TMEM216: variants seen among roughly 807,000 people sequenced by gnomAD.
TMEM216 encodes the protein transmembrane protein 216.
Under a neutral mutation model 17.8 loss-of-function variants are expected in TMEM216, and 15 were observed. The ratio of observed to expected loss-of-function variants is 0.84; its 90% confidence interval spans 0.56 to 1.30. The LOEUF is 1.30. Among genes scored for constraint, TMEM216 ranks in the 50% most tolerant of loss-of-function variants. TMEM216 has a pLI of 0.00. For missense variants in TMEM216, 160 were observed against 175.7 expected (o/e 0.91, Z 0.51); for synonymous variants, 58 against 73.5 (o/e 0.79, Z 1.08).
chr11:61,393,737 A>T (rs1256208876), intron 2 of TMEM216, 147 bp from the exon 3 acceptor site: 1 of 623,536 alleles, frequency 1.6e-6, no homozygotes, highest in Non-Finnish European at 2.8e-6. Flanking sequence ...TTGTGAGTTT[A>T]TGTATCCTGC....
rs1355339916 is a variant in TMEM216, at chr11:61,398,741, TC to T, written c.*467del. The T allele has an allele frequency of 6.3e-6, 1 of 158,884 alleles. No homozygotes were observed. Among genetic ancestry groups the T allele is most frequent in the African/African-American group, 2.4e-5 (1 of 41,728 alleles). The allele number at this position is 158,884 out of a possible 1,614,324, so 9.8% of individuals were successfully genotyped here. On this transcript the variant is annotated 3_prime_UTR_variant, in exon 5 of 5. Transcript: ENST00000515837. ...GTGATGTGAAAGCCTCTCACCCCAATCCTCGGAGACTGAGTTCCACAACTTT... is the reference window on the plus strand; with the variant it reads ...GTGATGTGAAAGCCTCTCACCCCAATCTCGGAGACTGAGTTCCACAACTTT...
chr11:61,392,855 A>G (rs1377306637), intron 1 of TMEM216, 190 bp downstream of exon 1: 2 of 985,248 alleles, frequency 2.0e-6, no homozygotes, highest in Admixed American at 1.2e-4. Flanking sequence ...CACAGCTCAA[A>G]TAAACGCAGA....
At chr11:61,393,795 G>A in intron 2 of TMEM216, 89 bp from the exon 3 acceptor site, 1 of 960,866 alleles carries the variant, frequency 1.0e-6, no homozygotes, top group Non-Finnish European at 1.6e-6. Context: ...GGAAAGCTGA[G>A]ACTGATGTCC....
chr11:61,393,348 G>T lies in TMEM216; in HGVS notation c.136+16G>T, dbSNP rs920229849. ...CTGTATAAAGGTAAGGAAGGCTTGG[G>T]GCTTGACGACAGCATCCCTTCCCCA... is the stretch of plus-strand genomic sequence containing the variant. On this transcript the variant is annotated intron_variant, in intron 2 of 4. Coordinates refer to ENST00000515837, the MANE Select transcript of TMEM216 (RefSeq NM_001173990.3). 2.0e-6 allele frequency: 3 copies of T among 1,503,468 alleles called. No homozygotes were observed. In the African/African-American group the frequency reaches 4.1e-5, roughly 21 times the overall value. 93.1% of individuals were successfully genotyped at this position (1,503,468 alleles called of 1,614,324 possible).
At chr11:61,397,632 G>GT (rs1565090145) in intron 3 of TMEM216, 142 bp from the exon 4 acceptor site, 1 of 690,064 alleles carries the variant, frequency 1.4e-6, no homozygotes, top group South Asian at 1.9e-5. Flanking sequence ...TTTTAGTACA[G>GT]TGGGACCCCA....
intron 2 of TMEM216, 48 bp downstream of exon 2, chr11:61,393,380 C>A: frequency 1.5e-6 from 2 of 1,304,182 alleles, no homozygotes; most frequent in Non-Finnish European, 2.1e-6. Context: ...CCCACTTCAG[C>A]TCAGAGCCAA....
Position 61,398,391 on chromosome 11 carries a change from G to A in TMEM216, c.*115G>A. 4 of 1,172,798 alleles carry A rather than the reference G, an allele frequency of 3.4e-6. No homozygotes were observed. The highest frequency in any genetic ancestry group is 3.7e-6 in the Non-Finnish European group (3 of 817,418). The allele number at this position is 1,172,798 out of a possible 1,614,324, so 72.6% of individuals were successfully genotyped here. ...AAGTTGTCCTGAGAAAGGCTGTGTG[G>A]CTTTTCTTCAGCACAGACATTTGGG... On this transcript the variant is annotated 3_prime_UTR_variant, in exon 5 of 5. Transcript: ENST00000515837.
intron 3 of TMEM216, among the ~76,000 whole-genome samples, chr11:61,396,785 C>T (rs1263769602): frequency 6.6e-5 from 10 of 150,390 alleles, no homozygotes; most frequent in Admixed American, 2.0e-4. Context: ...CAAGAAACTC[C>T]GTCTCAATAA....
intron 3 of TMEM216, among the ~76,000 whole-genome samples, chr11:61,395,353 C>A (rs1258250725): frequency 6.6e-6 from 1 of 152,062 alleles, no homozygotes; most frequent in South Asian, 2.1e-4. Context: ...CTGAAATCAA[C>A]GTTAAAGCAC....
chr11:61,394,181 G>A, intron 3 of TMEM216: 1 of 545,960 alleles, frequency 1.8e-6, no homozygotes, highest in South Asian at 2.1e-5. Flanking sequence ...CTAGAGATGG[G>A]CAATAGAATG....
In TMEM216 at chr11:61,392,629, C is replaced by CG; in HGVS notation, c.-2dup. On this transcript the variant is annotated 5_prime_UTR_variant, in exon 1 of 5. Coordinates refer to ENST00000515837, the MANE Select transcript of TMEM216 (RefSeq NM_001173990.3). ...GCTGCTCCGGGAGCCGCTGTGGCAGCGTATGCTGCCACGGGGACTGAAGAT... is the reference window on the plus strand; with the variant it reads ...GCTGCTCCGGGAGCCGCTGTGGCAGCGGTATGCTGCCACGGGGACTGAAGAT... 6.5e-7 allele frequency: 1 copy of CG among 1,535,312 alleles called. No individual in the cohort carries two copies. The highest frequency in any genetic ancestry group is 1.4e-5 in the African/African-American group (1 of 73,140).
intron 1 of TMEM216, 85 bp downstream of exon 1, chr11:61,392,750 CCTCCATT>C (rs1299019260): frequency 3.5e-5 from 53 of 1,534,420 alleles, no homozygotes; most frequent in Non-Finnish European, 4.5e-5. Context: ...TGACCTAAAC[CCTCCATT>C]CTCTAGCGTT....
chr11:61,392,638 C>A lies in TMEM216; in HGVS notation c.7C>A (p.Pro3Thr), dbSNP rs1554972409. The stretch of plus-strand genomic sequence containing the variant: ...GGAGCCGCTGTGGCAGCGTATGCTG[C>A]CACGGGGACTGAAGATGGCGCCGCG... ML[P>T]RGLKMAPRGK... The change falls in exon 1 of 5, where the codon CCA becomes ACA. Residue 3 changes from proline to threonine, a missense_variant. By Grantham distance (38) the Pro-to-Thr change is conservative. Coordinates refer to ENST00000515837, the MANE Select transcript of TMEM216 (RefSeq NM_001173990.3). 9 of 1,534,310 alleles carry A rather than the reference C, an allele frequency of 5.9e-6. No homozygotes were observed. The South Asian group carries it at 7.1e-5, about 12-fold the overall frequency.
intron 2 of TMEM216, 81 bp from the exon 3 acceptor site, chr11:61,393,796 ACTGATGT>A: frequency 1.0e-6 from 1 of 962,844 alleles, no homozygotes; most frequent in Non-Finnish European, 1.6e-6. Context: ...GAAAGCTGAG[ACTGATGT>A]CCTCTTTTTT....
Position 61,397,891 on chromosome 11 carries a change from T to A in TMEM216, c.347T>A (p.Leu116Gln). 5 of 1,614,062 alleles carry A rather than the reference T, an allele frequency of 3.1e-6. No individual in the cohort carries two copies. The highest frequency in any genetic ancestry group is 4.2e-6 in the Non-Finnish European group (5 of 1,179,898). The change falls in exon 4 of 5, where the codon CTG becomes CAG. Residue 116 changes from leucine to glutamine, a missense_variant. Leu to Gln is a moderately radical substitution (Grantham distance 113, BLOSUM62 -2). Coordinates refer to ENST00000515837, the MANE Select transcript of TMEM216 (RefSeq NM_001173990.3). The part of the protein sequence containing the change: ...YLLLQTYVLR[L>Q]EAIMNGILLF... ...CTGCTGCAGACCTACGTACTCCGCC[T>A]GGAAGCCATCATGAATGGCATCTTG...
At chr11:61,394,669 A>ATT (rs879295271) in intron 3 of TMEM216, among the ~76,000 whole-genome samples, 3 of 93,330 alleles carry the variant, frequency 3.2e-5, no homozygotes, top group South Asian at 3.3e-4. Flanking sequence ...ACCTGGTTGG[A>ATT]TTTTTTTTTT....
intron 3 of TMEM216, chr11:61,394,179 G>T: frequency 1.8e-6 from 1 of 550,196 alleles, no homozygotes; most frequent in Non-Finnish European, 3.3e-6. Flanking sequence ...GGCTAGAGAT[G>T]GGCAATAGAA....
At position 61,393,292 on chromosome 11, in the gene TMEM216, T is replaced by C; in HGVS notation, c.96T>C (p.Ala32=). ...ILFFLNGWYN[A]TYFLLELFIF... The stretch of plus-strand genomic sequence containing the variant: ...TCTTTCTGAACGGGTGGTATAATGC[T>C]ACCTATTTCCTGCTGGAACTTTTCA... The change falls in exon 2 of 5, where the codon GCT becomes GCC. Residue 32 remains alanine, a synonymous_variant. Coordinates refer to ENST00000515837, the MANE Select transcript of TMEM216 (RefSeq NM_001173990.3). 1 of 1,536,074 alleles carries C rather than the reference T, an allele frequency of 6.5e-7. No individual in the cohort carries two copies. The highest frequency in any genetic ancestry group is 8.7e-7 in the Non-Finnish European group (1 of 1,146,848).
intron 1 of TMEM216, 81 bp downstream of exon 1, chr11:61,392,746 A>C (rs1858702316): frequency 3.3e-6 from 5 of 1,534,942 alleles, no homozygotes; most frequent in Non-Finnish European, 4.4e-6. Flanking sequence ...AGCTTGACCT[A>C]AACCCTCCAT....
Sources: allele counts gnomAD v4.1 joint callset (sites outside exome capture counted in the v4.1 genomes callset), GRCh38; gene constraint gnomAD v4.1.1; transcripts MANE v1.5; gene names NCBI Gene and HGNC (gene_info 2026-07-23, HGNC 2026-07-21).